Variants in LIPA observed in about 807,000 individuals in gnomAD.
The protein encoded by LIPA is lipase A, lysosomal acid type, also known as lysosomal acid lipase/cholesteryl ester hydrolase.
Under a neutral mutation model 40.6 loss-of-function variants are expected in LIPA, and 26 were observed. That is an observed-to-expected ratio of 0.64 (90% CI 0.47 to 0.89). The LOEUF (loss-of-function observed/expected upper bound fraction) is 0.89. LIPA is among the 40% of genes least tolerant of loss of function. LIPA has a pLI of 0.00. For missense variants in LIPA, 455 were observed against 479.6 expected, an observed-to-expected ratio of 0.95 and a Z score of 0.48; for synonymous variants, 188 against 168.4, an observed-to-expected ratio of 1.12 and a Z score of -0.90.
chr10:89,349,917 C>T (rs1843947838), intron 2 of LIPA, among the ~76,000 whole-genome samples: 1 of 152,172 alleles, frequency 6.6e-6, no homozygotes, highest in Non-Finnish European at 1.5e-5. Context: ...AGAATATAAA[C>T]GTCTCTTGTG....
At chr10:89,215,450 A>C (rs11594137) in intron 9 of LIPA, among the ~76,000 whole-genome samples, 16,552 of 152,250 alleles carry the variant, frequency 0.11, 1,038 homozygotes, top group Non-Finnish European at 0.14. Context: ...AAATTCTCTA[A>C]GCCTCACTGT....
At chr10:89,343,525 A>C (rs957687533), upstream of LIPA, among the ~76,000 whole-genome samples, 2 of 152,184 alleles carry the variant, frequency 1.3e-5, no homozygotes, top group African/African-American at 4.8e-5. Context: ...GGGGAGAAAG[A>C]AGCATGAAAG....
chr10:89,283,836 A>G (rs1589588198), intron 1 of LIPA: 1 of 152,242 alleles, frequency 6.6e-6, no homozygotes, highest in Non-Finnish European at 1.5e-5. Context: ...GCAGCAAATC[A>G]GCCTTTGCCA....
In LIPA at chr10:89,332,245, GA is replaced by G. The variant is rs374028276; in HGVS notation, c.-2+10365del. 5.8e-3 allele frequency among the ~76,000 whole-genome samples: 875 copies of G among 152,096 alleles called. 3 individuals carry two copies. The highest frequency in any genetic ancestry group is 0.027 in the Middle Eastern group (8 of 294). On this transcript the variant is annotated intron_variant, in intron 1 of 5. Coordinates refer to the LIPA transcript ENST00000282673. ...CAAAGAGCAACAGTCATGCACCTGA[GA>G]AAAAAAACAGTCACGTTACGTGAGT...
chr10:89,412,048 C>A (rs1225119638), intron 2 of LIPA, among the ~76,000 whole-genome samples: 1 of 152,192 alleles, frequency 6.6e-6, no homozygotes, highest in African/African-American at 2.4e-5. Context: ...TACCGAGGAC[C>A]CCTGGACTGA....
At chr10:89,282,378 G>T (rs574732671) in intron 1 of LIPA, among the ~76,000 whole-genome samples, 1 of 151,856 alleles carries the variant, frequency 6.6e-6, no homozygotes, top group African/African-American at 2.4e-5. Context: ...TGGCTCATGC[G>T]TGTAATCTCA....
chr10:89,247,650 C>T lies in LIPA; in HGVS notation c.-1-1G>A. The T allele has an allele frequency of 6.3e-7, 1 of 1,588,712 alleles. No homozygotes were observed. Among genetic ancestry groups the T allele is most frequent in the Non-Finnish European group, 8.6e-7 (1 of 1,157,204 alleles). On this transcript the variant is annotated splice_acceptor_variant, in intron 1 of 9. Coordinates refer to ENST00000336233, the MANE Select transcript of LIPA (RefSeq NM_000235.4). LOFTEE classifies it low-confidence loss of function (5UTR_SPLICE). The stretch of plus-strand genomic sequence containing the variant: ...CAACCCCAAGAACCGCATTTTCATT[C>T]TGTATAATAAAACAGTCTATTATTA...
chr10:89,366,046 T>C (rs948327178), intron 2 of LIPA, among the ~76,000 whole-genome samples: 4 of 152,210 alleles, frequency 2.6e-5, no homozygotes, highest in African/African-American at 7.2e-5. Context: ...TTGGGCAGTA[T>C]GGTCATTTTC....
chr10:89,231,533 G>C (rs1842842506), intron 3 of LIPA, among the ~76,000 whole-genome samples: 1 of 151,858 alleles, frequency 6.6e-6, no homozygotes, highest in African/African-American at 2.4e-5. Flanking sequence ...CTGGAGTGCA[G>C]TGGCATGACT....
At chr10:89,227,399 T>C (rs193022876) in intron 4 of LIPA, among the ~76,000 whole-genome samples, 1 of 152,374 alleles carries the variant, frequency 6.6e-6, no homozygotes, top group Non-Finnish European at 1.5e-5. Context: ...TTGGGTAGTT[T>C]CCTGTTTTCC....
chr10:89,349,833 T>C (rs1843947115), intron 2 of LIPA, among the ~76,000 whole-genome samples: 1 of 152,152 alleles, frequency 6.6e-6, no homozygotes, highest in Admixed American at 6.5e-5. Flanking sequence ...ATAAGAATTA[T>C]TTTGAGTTAA....
intron 2 of LIPA, among the ~76,000 whole-genome samples, chr10:89,361,137 G>C (rs1205361206): frequency 6.6e-6 from 1 of 152,168 alleles, no homozygotes; most frequent in Non-Finnish European, 1.5e-5. Flanking sequence ...GGTACTGGGA[G>C]CTAGGACTTC....
chr10:89,408,744 T>C (rs927722231), intron 2 of LIPA, among the ~76,000 whole-genome samples: 4 of 152,238 alleles, frequency 2.6e-5, no homozygotes, highest in Non-Finnish European at 4.4e-5. Flanking sequence ...GTCATGCTAG[T>C]GGTAGATCAA....
intron 1 of LIPA, among the ~76,000 whole-genome samples, chr10:89,275,750 GA>G (rs541432565): frequency 1.3e-5 from 2 of 152,272 alleles, no homozygotes; most frequent in South Asian, 4.1e-4. Context: ...GTCGTTTTGT[GA>G]AAATTATTTT....
At chr10:89,362,067 A>AT (rs983504093) in intron 2 of LIPA, among the ~76,000 whole-genome samples, 18 of 150,488 alleles carry the variant, frequency 1.2e-4, no homozygotes, top group Admixed American at 2.6e-4. Context: ...GCCCAGATAA[A>AT]TTTTTTTTGC....
At chr10:89,231,478 C>CT (rs34770706) in intron 3 of LIPA, among the ~76,000 whole-genome samples, 73,008 of 147,480 alleles carry the variant, frequency 0.5, 17,953 homozygotes, top group Non-Finnish European at 0.53. Context: ...ATTCCCATAA[C>CT]TTTTTTTTTT....
At chr10:89,412,664 AAGTC>A (rs1841482570) in intron 2 of LIPA, 1 of 381,786 alleles carries the variant, frequency 2.6e-6, no homozygotes, top group African/African-American at 2.2e-5. Flanking sequence ...TTTACTCCTG[AAGTC>A]AGTGAAACCA....
chr10:89,327,543 T>G (rs1843611475), intron 1 of LIPA, among the ~76,000 whole-genome samples: 1 of 151,648 alleles, frequency 6.6e-6, no homozygotes, highest in African/African-American at 2.4e-5. Flanking sequence ...AGAGTAAGAC[T>G]CTGTCTCAAA....
At chr10:89,274,824 A>G (rs1424557487) in intron 1 of LIPA, among the ~76,000 whole-genome samples, 1 of 152,228 alleles carries the variant, frequency 6.6e-6, no homozygotes, top group Non-Finnish European at 1.5e-5. Flanking sequence ...TCTTCCTCCT[A>G]TAACACACAA....
Sources: allele counts gnomAD v4.1 joint callset (sites outside exome capture counted in the v4.1 genomes callset), GRCh38; gene constraint gnomAD v4.1.1; transcripts MANE v1.5; gene names NCBI Gene and HGNC (gene_info 2026-07-23, HGNC 2026-07-21).